The following SLC3A1 variants were observed in gnomAD, a reference collection of about 807,000 sequenced individuals.
The protein encoded by SLC3A1 is amino acid transporter heavy chain SLC3A1.
In SLC3A1, 78 loss-of-function variants were observed where a neutral mutation model predicts 60.3. The ratio of observed to expected loss-of-function variants is 1.29; its 90% confidence interval spans 1.08 to 1.56. SLC3A1 has a LOEUF of 1.56. SLC3A1 is among the 40% of genes most tolerant of loss of function. The probability of loss-of-function intolerance (pLI) is 0.00; values close to 1 mark genes in which losing one functional copy is unlikely to be tolerated. For missense variants in SLC3A1, 1,172 were observed against 858.9 expected (o/e 1.36, Z -4.56); for synonymous variants, 392 against 307.9 (o/e 1.27, Z -2.86).
rs569856127 is a variant in SLC3A1 at position 44,280,839 on chromosome 2, C to A, written c.554C>A (p.Pro185His). 78 of 1,613,966 alleles carry A rather than the reference C, an allele frequency of 4.8e-5. 1 individual carries two copies. The South Asian group carries it at 8.6e-4, about 18-fold the overall frequency. ...GTTGAAGATTTCCGGGAAGTTGATC[C>A]CATTTTTGGAACGATGGAAGATTTT... ...YGVEDFREVD[P>H]IFGTMEDFEN... Residue 185 changes from proline to histidine, a missense_variant, in exon 2 of 10, where the codon CCC (proline) becomes CAC (histidine). By Grantham distance (77) the Pro-to-His change is moderately conservative. Transcript: ENST00000260649.
chr2:44,286,311 T>C (rs1171759999), intron 4 of SLC3A1, among the ~76,000 whole-genome samples, 154 bp downstream of exon 4: 1 of 152,236 alleles, frequency 6.6e-6, no homozygotes, highest in Non-Finnish European at 1.5e-5. Flanking sequence ...TATTGCACAA[T>C]AATTGTGTAG....
rs772305450 is a variant in SLC3A1 at position 44,275,969 on chromosome 2, C to A, written c.430+4C>A. ...GATGGGAACGGAGATCTGAAAGGTA[C>A]ATGCCCAGAGATCATTTAGGGTGGG... is the stretch of plus-strand genomic sequence containing the variant. On this transcript the variant is annotated splice_donor_region_variant and intron_variant, in intron 1 of 9. Coordinates refer to ENST00000260649, the MANE Select transcript of SLC3A1 (RefSeq NM_000341.4). 5 of 1,613,468 alleles carry A rather than the reference C, an allele frequency of 3.1e-6. No individual in the cohort carries two copies. The Admixed American group carries it at 6.7e-5, about 22-fold the overall frequency.
In SLC3A1 at chr2:44,301,103, A is replaced by G; in HGVS notation, c.1112A>G (p.Tyr371Cys). Reference protein sequence around the residue: ...VRSFRQTMDQYSTEPGRYRFM... With the variant: ...VRSFRQTMDQCSTEPGRYRFM... Reference sequence around the variant, plus strand: ...AGCTTCCGGCAGACCATGGACCAATACAGCACGGAGCCCGGCAGATACAGG... The same window carrying G: ...AGCTTCCGGCAGACCATGGACCAATGCAGCACGGAGCCCGGCAGATACAGG... Residue 371 changes from tyrosine to cysteine, a missense_variant, in exon 6 of 10, where the codon TAC becomes TGC. Coordinates refer to ENST00000260649, the MANE Select transcript of SLC3A1 (RefSeq NM_000341.4). 6.2e-7 allele frequency: 1 copy of G among 1,613,398 alleles called. No individual in the cohort carries two copies. Among genetic ancestry groups the G allele is most frequent in the Non-Finnish European group, 8.5e-7 (1 of 1,179,960 alleles).
chr2:44,313,320 G>C (rs568049357), intron 8 of SLC3A1, among the ~76,000 whole-genome samples: 146 of 152,254 alleles, frequency 9.6e-4, no homozygotes, highest in African/African-American at 3.3e-3. Context: ...TAATTGCCTA[G>C]TTAGCTTTCA....
Position 44,320,949 on chromosome 2 carries a change from C to T in SLC3A1, c.*310C>T. On this transcript the variant is annotated 3_prime_UTR_variant, in exon 10 of 10. Coordinates refer to ENST00000260649, the MANE Select transcript of SLC3A1 (RefSeq NM_000341.4). ...TTAAGGGGAAGAATTTTATCTTTTC[C>T]CTTAAAATGCAGTCATAGAAATTAG... is the stretch of plus-strand genomic sequence containing the variant. The T allele has an allele frequency of 2.4e-6, 1 of 410,770 alleles. No individual in the cohort carries two copies. Among genetic ancestry groups the T allele is most frequent in the South Asian group, 2.5e-5 (1 of 39,238 alleles). The allele number at this position is 410,770 out of a possible 1,614,324, so 25.4% of individuals were successfully genotyped here.
At chr2:44,314,050 A>C (rs1672364015) in intron 9 of SLC3A1, 99 bp downstream of exon 9, 1 of 1,578,320 alleles carries the variant, frequency 6.3e-7, no homozygotes, top group African/African-American at 1.4e-5. Flanking sequence ...ACCTTAACGG[A>C]TACTCTTTAA....
intron 4 of SLC3A1, among the ~76,000 whole-genome samples, chr2:44,294,534 T>C (rs1299838096): frequency 2.0e-5 from 3 of 151,914 alleles, no homozygotes; most frequent in African/African-American, 7.3e-5. Flanking sequence ...AAAAGTCAAT[T>C]GACTCTGGCA....
rs1672811456 is a variant in SLC3A1, at chr2:44,320,254, T to C, written c.1673T>C (p.Leu558Pro). Residue 558 changes from leucine to proline, a missense_variant, in exon 10 of 10, where the codon CTT becomes CCT. Leu to Pro is a moderately conservative substitution (Grantham distance 98). Coordinates refer to ENST00000260649, the MANE Select transcript of SLC3A1 (RefSeq NM_000341.4). ...ALKLYQDLSL[L>P]HANELLLNRG... ...AAGTTATATCAAGATTTAAGTCTAC[T>C]TCATGCCAATGAGCTACTCCTCAAC... 1 of 1,614,002 alleles carries C rather than the reference T, an allele frequency of 6.2e-7. No homozygotes were observed. The highest frequency in any genetic ancestry group is 1.1e-5 in the South Asian group (1 of 91,086).
chr2:44,296,554 A>G (rs1484877329), intron 4 of SLC3A1, among the ~76,000 whole-genome samples: 3 of 152,206 alleles, frequency 2.0e-5, no homozygotes, highest in South Asian at 2.1e-4. Flanking sequence ...TATTCACCCC[A>G]GAACTTGCTC....
chr2:44,320,087 G>C, intron 9 of SLC3A1, 112 bp from the exon 10 acceptor site: 1 of 906,574 alleles, frequency 1.1e-6, no homozygotes, highest in Non-Finnish European at 1.7e-6. Flanking sequence ...AATTATAAGG[G>C]GCAAAATTGG....
At chr2:44,308,553 T>C (rs1307526075) in intron 7 of SLC3A1, among the ~76,000 whole-genome samples, 1 of 152,212 alleles carries the variant, frequency 6.6e-6, no homozygotes, top group Non-Finnish European at 1.5e-5. Context: ...TTCAGTTTAT[T>C]CCTAAGTATT....
rs143195837 is a variant in SLC3A1 at position 44,280,852 on chromosome 2, G to C, written c.567G>C (p.Thr189=). ...GGGAAGTTGATCCCATTTTTGGAAC[G>C]ATGGAAGATTTTGAGAATCTGGTTG... is the stretch of plus-strand genomic sequence containing the variant. ...DFREVDPIFG[T]MEDFENLVAA... The change falls in exon 2 of 10, where the codon ACG becomes ACC. Residue 189 remains threonine (T), a synonymous_variant. Transcript: ENST00000260649. The C allele has an allele frequency of 2.5e-4, 397 of 1,613,972 alleles. 1 individual carries two copies. The highest frequency in any genetic ancestry group is 2.9e-4 in the Non-Finnish European group (347 of 1,180,006).
rs1485903074 is a variant in SLC3A1, at chr2:44,295,959, T to A, written c.892-4012T>A. Among the ~76,000 whole-genome samples, 6 of 152,184 alleles carry A rather than the reference T, an allele frequency of 3.9e-5. No individual in the cohort carries two copies. The East Asian group carries it at 1.2e-3, about 29-fold the overall frequency. The stretch of plus-strand genomic sequence containing the variant: ...ATAGTAAATTAGGGCCTTCTTAAAA[T>A]AGAGCACAAAATTAAGTACAGAAAA... On this transcript the variant is annotated intron_variant, in intron 4 of 9. Transcript: ENST00000260649.
chr2:44,304,903 C>T (rs1313547833), intron 7 of SLC3A1, among the ~76,000 whole-genome samples: 2 of 147,662 alleles, frequency 1.4e-5, no homozygotes, highest in Non-Finnish European at 3.0e-5. Flanking sequence ...CTCACTGCAG[C>T]CTCGACCTCT....
chr2:44,319,115 T>C (rs1200113351), intron 9 of SLC3A1: 1 of 152,618 alleles, frequency 6.6e-6, no homozygotes, highest in Non-Finnish European at 1.5e-5. Context: ...TAAATATCTT[T>C]GTACCTGACA....
Position 44,312,592 on chromosome 2 carries a change from G to C in SLC3A1, c.1339G>C (p.Gly447Arg), listed in dbSNP as rs770854271. Residue 447 changes from glycine (G) to arginine (R), a missense_variant, in exon 8 of 10, where the codon GGA becomes CGA. Gly to Arg is a moderately radical substitution (Grantham distance 125, BLOSUM62 -2). Transcript: ENST00000260649. The stretch of plus-strand genomic sequence containing the variant: ...AAAAATATCTGCCTTTCAGATTGGT[G>C]GACCAGACAGTTCACGGCTGACTTC... ...EGKWPNWMIG[G>R]PDSSRLTSRL... 5.0e-6 allele frequency: 8 copies of C among 1,613,792 alleles called. No individual in the cohort carries two copies. In the Admixed American group the frequency reaches 1.3e-4, roughly 27 times the overall value.
chr2:44,319,544 TAGA>T (rs1360979814), intron 9 of SLC3A1: 1 of 152,468 alleles, frequency 6.6e-6, no homozygotes, highest in African/African-American at 2.4e-5. Flanking sequence ...CTTGAAAGGT[TAGA>T]AGTACATCAT....
intron 7 of SLC3A1, among the ~76,000 whole-genome samples, chr2:44,311,433 T>C (rs1369008859): frequency 1.3e-5 from 2 of 152,170 alleles, no homozygotes; most frequent in South Asian, 4.1e-4. Flanking sequence ...TATTTTCCTG[T>C]TTTCTTTGAC....
At position 44,320,994 on chromosome 2, in the gene SLC3A1, G is replaced by A; in HGVS notation, c.*355G>A. On this transcript the variant is annotated 3_prime_UTR_variant, in exon 10 of 10. Transcript: ENST00000260649. ...AATTAGAGGATGACTCACTGCCACA[G>A]TGTCTAAAAGCATTTGCTAGCAAAG... 2.6e-6 allele frequency: 1 copy of A among 388,292 alleles called. No homozygotes were observed. The highest frequency in any genetic ancestry group is 4.7e-6 in the Non-Finnish European group (1 of 211,282). 24.1% of individuals were successfully genotyped at this position (388,292 alleles called of 1,614,324 possible). A position where few individuals can be genotyped will look rare whatever the true frequency, so the allele number is the denominator to read the frequency against.
Sources: allele counts gnomAD v4.1 joint callset (sites outside exome capture counted in the v4.1 genomes callset), GRCh38; gene constraint gnomAD v4.1.1; transcripts MANE v1.5; gene names NCBI Gene and HGNC (gene_info 2026-07-23, HGNC 2026-07-21).